PEBP4: variants seen among roughly 807,000 people sequenced by gnomAD.
The protein encoded by PEBP4 is phosphatidylethanolamine-binding protein 4.
In PEBP4, 22 loss-of-function variants were observed where a neutral mutation model predicts 23.9. That is an observed-to-expected ratio of 0.92 (90% CI 0.66 to 1.31). The LOEUF is 1.31. Ranked by LOEUF, PEBP4 falls within the 40% of genes most tolerant of loss-of-function variation. The pLI is 0.00. For missense variants in PEBP4, 324 were observed against 281.7 expected (o/e 1.15, Z -1.07); for synonymous variants, 112 against 99.3 (o/e 1.13, Z -0.76).
intron 4 of PEBP4, among the ~76,000 whole-genome samples, chr8:22,729,586 T>C (rs550643278): frequency 7.2e-4 from 110 of 152,332 alleles, no homozygotes; most frequent in South Asian, 1.4e-3. Flanking sequence ...GAGCTTTTCT[T>C]ATCAACCGGG....
At chr8:22,736,096 C>T (rs949306982) in intron 4 of PEBP4, among the ~76,000 whole-genome samples, 4 of 152,068 alleles carry the variant, frequency 2.6e-5, no homozygotes, top group South Asian at 2.1e-4. Flanking sequence ...TGTCTGCCCT[C>T]GGGGAACTCC....
At chr8:22,911,447 C>A (rs1014311822) in intron 3 of PEBP4, among the ~76,000 whole-genome samples, 23 of 152,192 alleles carry the variant, frequency 1.5e-4, no homozygotes, top group Admixed American at 1.4e-3. Flanking sequence ...AGCAGCTCCC[C>A]ACAGCAGAGC....
intron 3 of PEBP4, among the ~76,000 whole-genome samples, chr8:22,836,094 G>T (rs139480680): frequency 6.6e-6 from 1 of 152,224 alleles, no homozygotes; most frequent in Non-Finnish European, 1.5e-5. Flanking sequence ...AATCCTACTC[G>T]GCTGCTGTGC....
intron 4 of PEBP4, among the ~76,000 whole-genome samples, chr8:22,807,380 T>C (rs11985963): frequency 0.011 from 1,652 of 152,296 alleles, 33 homozygotes; most frequent in East Asian, 0.044. Flanking sequence ...GAGGGGTCTC[T>C]GTCTGAGATA....
chr8:22,885,829 G>C (rs1808360980), intron 3 of PEBP4: 1 of 152,240 alleles, frequency 6.6e-6, no homozygotes, highest in African/African-American at 2.4e-5. Context: ...CACCGTCTGT[G>C]TGCAAGAGAA....
rs373688816 is a variant in PEBP4 at position 22,892,021 on chromosome 8, C to T, written c.258+28163G>A. Reference sequence around the variant, plus strand: ...CCGGGAGGCGGAACTTGCAGTGAGCCGAGATCGCGCCACTGCAGTCCGGCC... The same window carrying T: ...CCGGGAGGCGGAACTTGCAGTGAGCTGAGATCGCGCCACTGCAGTCCGGCC... On this transcript the variant is annotated intron_variant, in intron 3 of 6. Coordinates refer to ENST00000256404, the MANE Select transcript of PEBP4 (RefSeq NM_144962.3). Among the ~76,000 whole-genome samples the T allele has an allele frequency of 5.9e-5, 9 of 151,348 alleles. No homozygotes were observed. In the East Asian group the frequency reaches 7.8e-4, roughly 13 times the overall value.
chr8:22,897,458 C>T (rs1808611445), intron 3 of PEBP4, among the ~76,000 whole-genome samples: 1 of 152,144 alleles, frequency 6.6e-6, no homozygotes, highest in African/African-American at 2.4e-5. Flanking sequence ...CTTACTCAGG[C>T]TTATCTCTGC....
chr8:22,903,625 G>A (rs569223046), intron 3 of PEBP4, among the ~76,000 whole-genome samples: 1 of 152,304 alleles, frequency 6.6e-6, no homozygotes, highest in Admixed American at 6.5e-5. Context: ...AGCCTGCAAA[G>A]CCCCCAGCCC....
At position 22,792,024 on chromosome 8, in the gene PEBP4, G is replaced by C. The variant is rs991007465; in HGVS notation, c.357+25613C>G. On this transcript the variant is annotated intron_variant, in intron 4 of 6. Coordinates refer to ENST00000256404, the MANE Select transcript of PEBP4 (RefSeq NM_144962.3). Reference sequence around the variant, plus strand: ...GGCACACACCACCACGCCTGGCTAAGAACTTTTTTTTTTTTGTAGAGACAG... The same window carrying C: ...GGCACACACCACCACGCCTGGCTAACAACTTTTTTTTTTTTGTAGAGACAG... 4.5e-5 allele frequency among the ~76,000 whole-genome samples: 6 copies of C among 132,310 alleles called. No homozygotes were observed. The Admixed American group carries it at 4.8e-4, about 11-fold the overall frequency. The allele number at this position is 132,310 out of a possible 152,430, so 86.8% of individuals were successfully genotyped here.
At chr8:22,853,112 T>C (rs2128767438) in intron 3 of PEBP4, among the ~76,000 whole-genome samples, 1 of 152,364 alleles carries the variant, frequency 6.6e-6, no homozygotes. Flanking sequence ...CCAGTTTCAT[T>C]TCAATCTGTA....
chr8:22,795,875 A>T (rs1180923416), intron 4 of PEBP4, among the ~76,000 whole-genome samples: 1 of 152,254 alleles, frequency 6.6e-6, no homozygotes, highest in Non-Finnish European at 1.5e-5. Flanking sequence ...CAAAAAATCA[A>T]CACACATGGA....
intron 3 of PEBP4, among the ~76,000 whole-genome samples, chr8:22,871,118 G>A (rs930008737): frequency 3.3e-5 from 5 of 152,168 alleles, no homozygotes; most frequent in African/African-American, 1.2e-4. Context: ...GGGCCCTGGG[G>A]GTGAGGGGTC....
At chr8:22,790,009 G>A (rs1806106425) in intron 4 of PEBP4, among the ~76,000 whole-genome samples, 1 of 152,148 alleles carries the variant, frequency 6.6e-6, no homozygotes, top group Non-Finnish European at 1.5e-5. Context: ...TGGCCCCATG[G>A]CCCGCTGACC....
At position 22,787,579 on chromosome 8, in the gene PEBP4, TCTAAGG is replaced by T. The variant is rs1398261962; in HGVS notation, c.357+30052_357+30057del. 3.9e-5 allele frequency among the ~76,000 whole-genome samples: 6 copies of T among 152,326 alleles called. No individual in the cohort carries two copies. In the East Asian group the frequency reaches 9.7e-4, roughly 25 times the overall value. On this transcript the variant is annotated intron_variant, in intron 4 of 6. Coordinates refer to ENST00000256404, the MANE Select transcript of PEBP4 (RefSeq NM_144962.3). ...GGCAAAGAGAAAAGAGGAGTTATCC[TCTAAGG>T]CTAATACTTGCTCCTCTTTGCCACT...
intron 4 of PEBP4, among the ~76,000 whole-genome samples, chr8:22,776,870 A>T (rs1805825077): frequency 6.6e-6 from 1 of 150,744 alleles, no homozygotes; most frequent in African/African-American, 2.4e-5. Flanking sequence ...CGGAGCTGGG[A>T]GGTGGTTGGC....
At chr8:22,896,378 A>G (rs1808590162) in intron 3 of PEBP4, 1 of 152,208 alleles carries the variant, frequency 6.6e-6, no homozygotes, top group African/African-American at 2.4e-5. Context: ...TCCAGGCTCC[A>G]ACGTGTTTGC....
intron 4 of PEBP4, among the ~76,000 whole-genome samples, chr8:22,764,071 C>T (rs1805562767): frequency 6.6e-6 from 1 of 152,100 alleles, no homozygotes; most frequent in Non-Finnish European, 1.5e-5. Flanking sequence ...TTTCCTGGCC[C>T]ATGTTCCTTA....
At chr8:22,756,243 G>A (rs1015846042) in intron 4 of PEBP4, among the ~76,000 whole-genome samples, 20 of 152,186 alleles carry the variant, frequency 1.3e-4, no homozygotes, top group African/African-American at 4.3e-4. Context: ...TTCTGGCCTC[G>A]CAGGGCTGGA....
intron 4 of PEBP4, among the ~76,000 whole-genome samples, chr8:22,750,239 T>C (rs940096781): frequency 6.6e-6 from 1 of 152,064 alleles, no homozygotes; most frequent in African/African-American, 2.4e-5. Context: ...GTAGCTGGGA[T>C]TACAGGTGCC....
Sources: gnomAD v4.1 joint callset for allele counts (sites outside exome capture counted in the v4.1 genomes callset) on GRCh38, gnomAD v4.1.1 for gene constraint, MANE v1.5 for transcripts, NCBI Gene and HGNC (gene_info 2026-07-23, HGNC 2026-07-21) for gene names.